Variants in UNC5D observed in about 807,000 individuals in gnomAD.
UNC5D encodes unc-5 netrin receptor D, also known as netrin receptor UNC5D.
Under a neutral mutation model 105.4 loss-of-function variants are expected in UNC5D, and 39 were observed. The observed-to-expected ratio is 0.37, with a 90% CI of 0.29 to 0.48. UNC5D has a LOEUF of 0.48. Ranked by LOEUF, UNC5D falls within the 20% of genes least tolerant of loss-of-function variation. UNC5D has a pLI of 0.98. For synonymous variants in UNC5D, 452 were observed against 450.4 expected (o/e 1.00, Z -0.04); for missense variants, 991 against 1,202.4 (o/e 0.82, Z 2.60).
At chr8:35,748,481 C>T in intron 11 of UNC5D, 46 bp from the exon 12 acceptor site, 9 of 1,569,210 alleles carry the variant, frequency 5.7e-6, no homozygotes, top group Non-Finnish European at 7.8e-6. Flanking sequence ...AAATATGGCC[C>T]CTCCTCTACA....
At chr8:35,245,981 G>C (rs1162572503) in intron 1 of UNC5D, among the ~76,000 whole-genome samples, 1 of 152,046 alleles carries the variant, frequency 6.6e-6, no homozygotes, top group East Asian at 1.9e-4. Flanking sequence ...ACTCTCCATG[G>C]TGTCTCCCAT....
At chr8:35,639,679 A>C (rs1283097830) in intron 4 of UNC5D, among the ~76,000 whole-genome samples, 3 of 152,144 alleles carry the variant, frequency 2.0e-5, no homozygotes, top group African/African-American at 7.2e-5. Flanking sequence ...GATAAAACTC[A>C]AGAGTAGGGA....
chr8:35,253,473 C>CTTTTTTTTTTTTTTTTTTTTTTTTTT (rs58063448), intron 1 of UNC5D, among the ~76,000 whole-genome samples: 2 of 99,824 alleles, frequency 2.0e-5, no homozygotes, highest in African/African-American at 3.8e-5. Flanking sequence ...ATTTTATTTC[C>CTTTTTTTTTTTTTTTTTTTTTTTTTT]TTTTTTTTTT....
chr8:35,510,255 C>T (rs970906533), intron 1 of UNC5D, among the ~76,000 whole-genome samples: 3 of 150,548 alleles, frequency 2.0e-5, no homozygotes, highest in Non-Finnish European at 4.4e-5. Context: ...CAGTGACCAG[C>T]CCCCACCCTG....
At chr8:35,438,880 A>G (rs1807208201) in intron 1 of UNC5D, among the ~76,000 whole-genome samples, 1 of 152,072 alleles carries the variant, frequency 6.6e-6, no homozygotes, top group South Asian at 2.1e-4. Flanking sequence ...GTTGTAGTCC[A>G]ATGTCAGATA....
chr8:35,647,771 T>C (rs1240025951), intron 4 of UNC5D, among the ~76,000 whole-genome samples: 4 of 152,182 alleles, frequency 2.6e-5, no homozygotes, highest in Admixed American at 2.6e-4. Context: ...GAAATAATTA[T>C]AGGGAGTGGT....
intron 4 of UNC5D, among the ~76,000 whole-genome samples, chr8:35,607,432 T>A (rs149861409): frequency 6.6e-6 from 1 of 152,296 alleles, no homozygotes; most frequent in Non-Finnish European, 1.5e-5. Context: ...AAAGAGAAAC[T>A]GTTCCATGCT....
At chr8:35,370,587 A>G (rs756886634) in intron 1 of UNC5D, among the ~76,000 whole-genome samples, 14 of 152,292 alleles carry the variant, frequency 9.2e-5, no homozygotes, top group Non-Finnish European at 1.9e-4. Context: ...ATTTCTTAAC[A>G]GTCTGTCAGC....
chr8:35,671,209 T>C (rs1024933396), intron 4 of UNC5D, among the ~76,000 whole-genome samples: 1 of 152,192 alleles, frequency 6.6e-6, no homozygotes, highest in Non-Finnish European at 1.5e-5. Flanking sequence ...AGTGTCTCTC[T>C]TATATTTGTT....
chr8:35,242,347 G>A (rs1162193240), intron 1 of UNC5D, among the ~76,000 whole-genome samples: 4 of 152,186 alleles, frequency 2.6e-5, no homozygotes, highest in Non-Finnish European at 5.9e-5. Context: ...GGCAGGCATA[G>A]GAAGGAGAAG....
intron 1 of UNC5D, among the ~76,000 whole-genome samples, chr8:35,385,898 T>A (rs1803364780): frequency 6.6e-6 from 1 of 152,230 alleles, no homozygotes; most frequent in Non-Finnish European, 1.5e-5. Flanking sequence ...ATTTCTGACA[T>A]CTTAAACCAT....
intron 3 of UNC5D, among the ~76,000 whole-genome samples, chr8:35,590,135 C>T (rs1322521582): frequency 1.3e-5 from 2 of 151,880 alleles, no homozygotes; most frequent in Non-Finnish European, 2.9e-5. Flanking sequence ...GTTTCACGTC[C>T]CTTCGCCATT....
intron 8 of UNC5D, among the ~76,000 whole-genome samples, chr8:35,711,960 G>GCTAA (rs758638523): frequency 4.7e-4 from 71 of 152,176 alleles, no homozygotes; most frequent in Non-Finnish European, 9.6e-4. Flanking sequence ...CATTCTTCCT[G>GCTAA]CTAACTTCTC....
At chr8:35,364,773 C>T (rs995612573) in intron 1 of UNC5D, among the ~76,000 whole-genome samples, 5 of 152,136 alleles carry the variant, frequency 3.3e-5, no homozygotes, top group Admixed American at 6.5e-5. Flanking sequence ...GAACCTACCC[C>T]TTCACTATTT....
chr8:35,370,079 TG>T (rs1377760206), intron 1 of UNC5D, among the ~76,000 whole-genome samples: 2 of 152,182 alleles, frequency 1.3e-5, no homozygotes, highest in African/African-American at 4.8e-5. Context: ...ATGCAGACTT[TG>T]TAAGAAGCTA....
intron 1 of UNC5D, among the ~76,000 whole-genome samples, chr8:35,407,192 A>G (rs1804860574): frequency 6.6e-6 from 1 of 152,162 alleles, no homozygotes; most frequent in Non-Finnish European, 1.5e-5. Context: ...AGGCTATACC[A>G]TGCAGCCTAG....
At position 35,647,804 on chromosome 8, in the gene UNC5D, A is replaced by G. The variant is rs140172312; in HGVS notation, c.571-35743A>G. Among the ~76,000 whole-genome samples, 197 of 152,294 alleles carry G rather than the reference A, an allele frequency of 1.3e-3. 1 individual carries two copies. The highest frequency in any genetic ancestry group is 4.6e-3 in the African/African-American group (190 of 41,576). ...GGTTTTGGGCTTCTTTTATCTTTTA[A>G]TCTAGATGCAAGAAATTTGCTTACA... On this transcript the variant is annotated intron_variant, in intron 4 of 16. Transcript: ENST00000404895.
intron 8 of UNC5D, among the ~76,000 whole-genome samples, chr8:35,716,104 G>T (rs975599077): frequency 6.6e-6 from 1 of 152,172 alleles, no homozygotes; most frequent in Non-Finnish European, 1.5e-5. Context: ...CCCAGGTGCC[G>T]GTATGGAGAG....
chr8:35,403,737 C>T (rs1035408314), intron 1 of UNC5D, among the ~76,000 whole-genome samples: 7 of 152,176 alleles, frequency 4.6e-5, no homozygotes, highest in African/African-American at 7.2e-5. Flanking sequence ...GCCATTCTTT[C>T]GCTCACAATA....
Sources: allele counts gnomAD v4.1 joint callset (sites outside exome capture counted in the v4.1 genomes callset), GRCh38; gene constraint gnomAD v4.1.1; transcripts MANE v1.5; gene names NCBI Gene and HGNC (gene_info 2026-07-23, HGNC 2026-07-21).